MBTPS1: variants seen among roughly 807,000 people sequenced by gnomAD.
MBTPS1 encodes membrane-bound transcription factor site-1 protease.
MBTPS1 carries 94 observed loss-of-function variants against 127.8 expected under a neutral mutation model. That is an observed-to-expected ratio of 0.74 (90% CI 0.62 to 0.87). The LOEUF is 0.87. Among genes scored for constraint, MBTPS1 ranks in the 40% least tolerant of loss-of-function variants. MBTPS1 has a pLI of 0.00. For synonymous variants in MBTPS1, 632 were observed against 509.4 expected (o/e 1.24, Z -3.24); for missense variants, 1,636 against 1,353.2 (o/e 1.21, Z -3.28).
chr16:84,075,112 G>C (rs1333786046), intron 11 of MBTPS1: 1 of 156,776 alleles, frequency 6.4e-6, no homozygotes, highest in African/African-American at 2.4e-5. Context: ...CTTGCTGCTA[G>C]GAAAGGGGCC....
At chr16:84,100,544 CAAAAAAG>C (rs1011412707) in intron 2 of MBTPS1, among the ~76,000 whole-genome samples, 9 of 146,610 alleles carry the variant, frequency 6.1e-5, no homozygotes, top group African/African-American at 7.7e-5. Context: ...ATCTCCATCT[CAAAAAAG>C]AAAAAAGAAA....
At chr16:84,089,677 A>G (rs1407094263) in intron 8 of MBTPS1, among the ~76,000 whole-genome samples, 2 of 152,302 alleles carry the variant, frequency 1.3e-5, no homozygotes, top group East Asian at 3.9e-4. Context: ...GGCTCAGAGA[A>G]GTGACGGTGC....
intron 10 of MBTPS1, 24 bp downstream of exon 10, chr16:84,084,959 T>C (rs1597330481): frequency 6.2e-7 from 1 of 1,609,186 alleles, no homozygotes; most frequent in Non-Finnish European, 8.5e-7. Flanking sequence ...TGGGAGCTAC[T>C]GGTCTCTAGG....
At chr16:84,082,116 C>T (rs113258467) in intron 10 of MBTPS1, 98 of 381,482 alleles carry the variant, frequency 2.6e-4, no homozygotes, top group African/African-American at 1.9e-3. Context: ...CAACCTTCTA[C>T]GGGACCCACT....
At chr16:84,099,488 A>C (rs894376749) in intron 2 of MBTPS1, among the ~76,000 whole-genome samples, 178 bp from the exon 3 acceptor site, 3 of 152,204 alleles carry the variant, frequency 2.0e-5, no homozygotes, top group Non-Finnish European at 4.4e-5. Flanking sequence ...GCTTTGAGGA[A>C]AAATGATCTA....
chr16:84,060,546 C>T (rs1443596139), intron 20 of MBTPS1, 136 bp downstream of exon 20: 9 of 975,628 alleles, frequency 9.2e-6, no homozygotes, highest in African/African-American at 4.8e-5. Context: ...CTGCTCTACC[C>T]GCAGCCATTA....
At chr16:84,091,117 G>A (rs760325724) in intron 7 of MBTPS1, among the ~76,000 whole-genome samples, 175 bp from the exon 8 acceptor site, 5 of 152,138 alleles carry the variant, frequency 3.3e-5, no homozygotes, top group Non-Finnish European at 5.9e-5. Flanking sequence ...CACCCGGGAC[G>A]GAGAAGCACG....
chr16:84,071,828 A>C (rs1319590248), intron 12 of MBTPS1: 1 of 152,224 alleles, frequency 6.6e-6, no homozygotes, highest in Non-Finnish European at 1.5e-5. Context: ...TGCTGAACAC[A>C]CAGCAATGGT....
chr16:84,109,584 C>T (rs2086372051), intron 1 of MBTPS1: 1 of 152,176 alleles, frequency 6.6e-6, no homozygotes. Flanking sequence ...GATGCACAAC[C>T]TGAAATCAAA....
Position 84,081,859 on chromosome 16 carries a change from G to A in MBTPS1, c.1336C>T (p.Leu446=). 6.6e-7 allele frequency: 1 copy of A among 1,512,400 alleles called. No homozygotes were observed. The highest frequency in any genetic ancestry group is 8.9e-7 in the Non-Finnish European group (1 of 1,129,504). The allele number at this position is 1,512,400 out of a possible 1,614,324, so 93.7% of individuals were successfully genotyped here. ...LVNPASMKQA[L]IASARRLPGV... ...GGGAGCCTCCGGGCTGACGCGATCA[G>A]GGCCTGCTTCATACTGGCGGGATTC... The change falls in exon 11 of 23, where the codon CTG becomes TTG. Residue 446 remains leucine, a synonymous_variant. Transcript: ENST00000343411.
At chr16:84,076,792 A>G (rs1262657925) in intron 11 of MBTPS1, among the ~76,000 whole-genome samples, 1 of 152,258 alleles carries the variant, frequency 6.6e-6, no homozygotes, top group Non-Finnish European at 1.5e-5. Flanking sequence ...GCTCTTAGAC[A>G]AAATAACAGC....
chr16:84,099,456 T>C (rs2086224686), intron 2 of MBTPS1, 146 bp from the exon 3 acceptor site: 1 of 809,096 alleles, frequency 1.2e-6, no homozygotes, highest in Middle Eastern at 3.7e-4. Context: ...CTAGTTTAAG[T>C]ACCTAGACAG....
intron 10 of MBTPS1, 107 bp from the exon 11 acceptor site, chr16:84,082,015 T>A (rs1449688017): frequency 2.7e-6 from 2 of 729,230 alleles, no homozygotes; most frequent in Non-Finnish European, 3.9e-6. Flanking sequence ...GCAGTCTTGT[T>A]TAGTATCCAA....
chr16:84,077,682 A>G (rs1402573316), intron 11 of MBTPS1, among the ~76,000 whole-genome samples: 1 of 152,244 alleles, frequency 6.6e-6, no homozygotes, highest in Non-Finnish European at 1.5e-5. Flanking sequence ...TACCTCCCTC[A>G]GTGCAGAAAA....
chr16:84,065,279 G>A (rs1018956178), intron 18 of MBTPS1, among the ~76,000 whole-genome samples: 17 of 151,930 alleles, frequency 1.1e-4, no homozygotes, highest in African/African-American at 3.1e-4. Context: ...CATCATGCCC[G>A]GCTAAATTTT....
In MBTPS1 at chr16:84,101,848, A is replaced by G. The variant is rs1049884; in HGVS notation, c.-65T>C. ...AATCACACTTTTTTCTTCTTGATTAAAAGTGAATTTTTGTTTCAGCTAAAA... is the reference window on the plus strand; with the variant it reads ...AATCACACTTTTTTCTTCTTGATTAGAAGTGAATTTTTGTTTCAGCTAAAA... On this transcript the variant is annotated 5_prime_UTR_variant, in exon 2 of 23. Transcript: ENST00000343411. 0.014 allele frequency: 20,716 copies of G among 1,492,480 alleles called. 1,954 individuals are homozygous for G. In the African/African-American group the frequency reaches 0.22, roughly 16 times the overall value. 92.5% of individuals were successfully genotyped at this position (1,492,480 alleles called of 1,614,324 possible).
rs1186456846 is a variant in MBTPS1 at position 84,093,275 on chromosome 16, C to A, written c.759G>T (p.Val253=). Residue 253 remains valine, a synonymous_variant, in exon 6 of 23, where the codon GTG becomes GTT. Coordinates refer to ENST00000343411, the MANE Select transcript of MBTPS1 (RefSeq NM_003791.4). ...LDDGLGHGTF[V]AGVIASMREC... is the part of the protein sequence containing the mutation. Reference sequence around the variant, plus strand: ...CCCTCATGCTGGCTATCACACCTGCCACGAATGTGCCATGGCCCAACCCTG... The same window carrying A: ...CCCTCATGCTGGCTATCACACCTGCAACGAATGTGCCATGGCCCAACCCTG... 6 of 1,613,396 alleles carry A rather than the reference C, an allele frequency of 3.7e-6. No individual in the cohort carries two copies. Among genetic ancestry groups the A allele is most frequent in the Non-Finnish European group, 4.2e-6 (5 of 1,179,438 alleles).
chr16:84,066,652 G>A, intron 16 of MBTPS1, 39 bp from the exon 17 acceptor site: 1 of 1,607,632 alleles, frequency 6.2e-7, no homozygotes, highest in Non-Finnish European at 8.5e-7. Context: ...AACAGGGAAT[G>A]AAGACACTCC....
Position 84,091,996 on chromosome 16 carries a change from T to A in MBTPS1, c.847-148A>T, listed in dbSNP as rs2086116838. ...ACCAGAAATGAATCCTGAGCATGCA[T>A]AATGCTCTGGAGAGTAAAATACAAC... On this transcript the variant is annotated intron_variant, in intron 6 of 22. Transcript: ENST00000343411. 5 of 598,312 alleles carry A rather than the reference T, an allele frequency of 8.4e-6. No homozygotes were observed. In the South Asian group the frequency reaches 9.8e-5, roughly 12 times the overall value. 37.1% of individuals were successfully genotyped at this position (598,312 alleles called of 1,614,324 possible). A position where few individuals can be genotyped will look rare whatever the true frequency, so the allele number is the denominator to read the frequency against.
Sources: allele counts gnomAD v4.1 joint callset (sites outside exome capture counted in the v4.1 genomes callset), GRCh38; gene constraint gnomAD v4.1.1; transcripts MANE v1.5; gene names NCBI Gene and HGNC (gene_info 2026-07-23, HGNC 2026-07-21).